Variants in COL12A1 observed in about 807,000 individuals in gnomAD.
COL12A1 encodes collagen alpha-1(XII) chain.
Under a neutral mutation model 349.7 loss-of-function variants are expected in COL12A1, and 114 were observed. The observed-to-expected ratio is 0.33, with a 90% CI of 0.28 to 0.38. COL12A1 has a LOEUF of 0.38. Ranked by LOEUF, COL12A1 falls within the 10% of genes least tolerant of loss-of-function variation. The pLI, the probability that COL12A1 is intolerant of heterozygous loss-of-function variation, is 1.00. For synonymous variants in COL12A1, 1,369 were observed against 1,329.0 expected (o/e 1.03, Z -0.66); for missense variants, 3,284 against 3,756.9 (o/e 0.87, Z 3.29).
chr6:75,106,420 C>A lies in COL12A1; in HGVS notation c.8177G>T (p.Arg2726Met). 1 of 1,613,118 alleles carries A rather than the reference C, an allele frequency of 6.2e-7. No individual in the cohort carries two copies. The highest frequency in any genetic ancestry group is 8.5e-7 in the Non-Finnish European group (1 of 1,179,208). Residue 2726 changes from arginine to methionine, a missense_variant and splice_region_variant, in exon 53 of 66, where the codon AGG becomes ATG. Arg to Met is a moderately conservative substitution (Grantham distance 91). Around this residue, in one of 2 missense-constraint regions of COL12A1, gnomAD observed 683 missense variants for 932.1 expected, o/e 0.73. Coordinates refer to ENST00000322507, the MANE Select transcript of COL12A1 (RefSeq NM_004370.6). ...AGAATTCAATTCTGTTTTACTTACC[C>A]TAGAGGGAATATCACAGCATCTGTC... The part of the protein sequence containing the change: ...SRDRCCDIPS[R>M]RDEGKCPAFP...
Position 75,115,845 on chromosome 6 carries a change from AC to A in COL12A1, c.7635del (p.Ser2546LeufsTer16). The A allele has an allele frequency of 6.2e-7, 1 of 1,613,622 alleles. No homozygotes were observed. Among genetic ancestry groups the A allele is most frequent in the Non-Finnish European group, 8.5e-7 (1 of 1,179,682 alleles). Reference protein sequence around the residue: ...ASVQGVSLESGSFPSYSAYRI... With the variant: ...ASVQGVSLESXSFPSYSAYRI... ...CTGTATGCTGAGTAGCTGGGGAAAG[AC>A]CCTGACTCCAAAGATACTCCTTGTA... On this transcript the variant is annotated frameshift_variant, in exon 49 of 66. Coordinates refer to ENST00000322507, the MANE Select transcript of COL12A1 (RefSeq NM_004370.6). LOFTEE classifies it high-confidence loss of function.
At position 75,202,751 on chromosome 6, in the gene COL12A1, C is replaced by G. The variant is rs758961396; in HGVS notation, c.42G>C (p.Ala14=). 5.8e-6 allele frequency: 9 copies of G among 1,551,920 alleles called. No individual in the cohort carries two copies. The highest frequency in any genetic ancestry group is 1.7e-4 in the Middle Eastern group (1 of 5,992). ...CCTCAATGGAAGACAGGAGCAGGGC[C>G]GCGCCCAGGGCGGCAAGCGCTGGGG... ...RLPPALAALG[A]ALLLSSIEAE... is the part of the protein sequence containing the mutation. The change falls in exon 2 of 66, where the codon GCG becomes GCC. Residue 14 remains alanine, a synonymous_variant. Transcript: ENST00000322507.
chr6:75,124,421 G>T, intron 40 of COL12A1, 50 bp from the exon 41 acceptor site: 1 of 1,373,054 alleles, frequency 7.3e-7, no homozygotes, highest in Non-Finnish European at 1.0e-6. Context: ...GAGGCAAAAA[G>T]TGTACTTTTA....
intron 2 of COL12A1, among the ~76,000 whole-genome samples, chr6:75,196,377 C>A (rs1770226113): frequency 6.6e-6 from 1 of 152,116 alleles, no homozygotes; most frequent in Non-Finnish European, 1.5e-5. Flanking sequence ...CAGAATTTAA[C>A]TGGGGTTAAA....
intron 3 of COL12A1, among the ~76,000 whole-genome samples, chr6:75,193,778 C>CA (rs1770078366): frequency 2.6e-5 from 4 of 151,410 alleles, no homozygotes; most frequent in African/African-American, 9.7e-5. Flanking sequence ...TTCCTGTGTC[C>CA]AAGTGTTCTC....
At position 75,145,432 on chromosome 6, in the gene COL12A1, A is replaced by G. The variant is rs544709914; in HGVS notation, c.4584T>C (p.Asn1528=). The part of the protein sequence containing the change: ...PKEVRLGPTV[N]DMQLTDLVPN... The stretch of plus-strand genomic sequence containing the variant: ...GAACAAGGTCAGTCAGCTGCATGTC[A>G]TTCACTGTTGGCCCCAAACGCACCT... Residue 1528 remains asparagine (N), a synonymous_variant, in exon 25 of 66, where the codon AAT becomes AAC. Transcript: ENST00000322507. The G allele has an allele frequency of 6.2e-7, 1 of 1,613,982 alleles. No individual in the cohort carries two copies. Among genetic ancestry groups the G allele is most frequent in the Admixed American group, 1.7e-5 (1 of 60,016 alleles).
At chr6:75,110,445 T>G (rs1345198995) in intron 51 of COL12A1, among the ~76,000 whole-genome samples, 3 of 152,064 alleles carry the variant, frequency 2.0e-5, no homozygotes, top group African/African-American at 7.2e-5. Flanking sequence ...AATGCATAGT[T>G]ACATTTCAGA....
At chr6:75,107,834 T>C (rs1768640976) in intron 52 of COL12A1, among the ~76,000 whole-genome samples, 1 of 152,200 alleles carries the variant, frequency 6.6e-6, no homozygotes, top group Non-Finnish European at 1.5e-5. Context: ...GATGTAATTG[T>C]TATACTTAAA....
At chr6:75,111,829 G>C (rs1323005519) in intron 51 of COL12A1, among the ~76,000 whole-genome samples, 1 of 146,952 alleles carries the variant, frequency 6.8e-6, no homozygotes, top group Middle Eastern at 3.6e-3. Flanking sequence ...TTTTTTTTTT[G>C]TTATCACTAA....
At chr6:75,180,878 A>G (rs1769233434) in intron 11 of COL12A1, 61 bp downstream of exon 11, 1 of 1,544,600 alleles carries the variant, frequency 6.5e-7, no homozygotes, top group Middle Eastern at 1.8e-4. Context: ...TACAAACTGT[A>G]ACTTTGTAGT....
chr6:75,103,842 CA>C, intron 54 of COL12A1, 32 bp from the exon 55 acceptor site: 2 of 1,547,852 alleles, frequency 1.3e-6, no homozygotes, highest in Non-Finnish European at 1.8e-6. Flanking sequence ...GTAGTGTGAA[CA>C]TAGGAAAATA....
Position 75,117,629 on chromosome 6 carries a change from G to T in COL12A1, c.7355-83C>A, listed in dbSNP as rs41266765. On this transcript the variant is annotated intron_variant, in intron 46 of 65. Transcript: ENST00000322507. ...GAACAATGCAAAAAAATTCTTATCA[G>T]AAATGATGCTGTATTTTCTTAATGT... The T allele has an allele frequency of 0.016, 22,761 of 1,449,432 alleles. 246 individuals carry two copies. Among genetic ancestry groups the T allele is most frequent in the Non-Finnish European group, 0.018 (19,708 of 1,067,296 alleles). The allele number at this position is 1,449,432 out of a possible 1,614,324, so 89.8% of individuals were successfully genotyped here. A position where few individuals can be genotyped will look rare whatever the true frequency, so the allele number is the denominator to read the frequency against.
At chr6:75,113,161 A>AT in intron 51 of COL12A1, 43 bp downstream of exon 51, 3 of 1,049,426 alleles carry the variant, frequency 2.9e-6, no homozygotes, top group East Asian at 2.9e-5. Context: ...TTTGTTTTAT[A>AT]TTTTTTTCTA....
At chr6:75,188,611 C>T in intron 7 of COL12A1, 76 bp from the exon 8 acceptor site, 2 of 1,480,036 alleles carry the variant, frequency 1.4e-6, no homozygotes, top group Non-Finnish European at 9.3e-7. Context: ...TCGTTTTCTC[C>T]ATCTTTCACA....
intron 36 of COL12A1, 58 bp downstream of exon 36, chr6:75,130,794 A>T (rs1766261827): frequency 6.2e-7 from 1 of 1,603,934 alleles, no homozygotes; most frequent in African/African-American, 1.3e-5. Context: ...ATTCAATCAG[A>T]GAAGCCCTGC....
At chr6:75,167,990 C>A (rs1768397937) in intron 13 of COL12A1, among the ~76,000 whole-genome samples, 1 of 152,108 alleles carries the variant, frequency 6.6e-6, no homozygotes, top group African/African-American at 2.4e-5. Context: ...TTCTCAATCT[C>A]AGAAAAAAAC....
Position 75,147,669 on chromosome 6 carries a change from A to G in COL12A1, c.4417+6T>C. 6.3e-7 allele frequency: 1 copy of G among 1,589,528 alleles called. No individual in the cohort carries two copies. The highest frequency in any genetic ancestry group is 1.4e-5 in the African/African-American group (1 of 73,480). On this transcript the variant is annotated splice_donor_region_variant and intron_variant, in intron 23 of 65. Coordinates refer to ENST00000322507, the MANE Select transcript of COL12A1 (RefSeq NM_004370.6). ...CAATGAGAAACAATTTTTTAATCTG[A>G]CTCACAGGTTTTTTCTGTCCCCTTC... is the stretch of plus-strand genomic sequence containing the variant.
At chr6:75,089,013 A>AG (rs1303257819) in intron 64 of COL12A1, 93 bp downstream of exon 64, 9 of 994,692 alleles carry the variant, frequency 9.0e-6, no homozygotes, top group African/African-American at 3.4e-5. Flanking sequence ...AAACAAAAAA[A>AG]AGAATAACAG....
At chr6:75,100,202 T>G (rs754821617) in intron 58 of COL12A1, among the ~76,000 whole-genome samples, 9 of 152,168 alleles carry the variant, frequency 5.9e-5, no homozygotes, top group Non-Finnish European at 1.2e-4. Context: ...AGTCCCTTAC[T>G]TTTCAGGGAT....
Sources: allele counts gnomAD v4.1 joint callset (sites outside exome capture counted in the v4.1 genomes callset), GRCh38; gene constraint gnomAD v4.1.1; regional missense constraint gnomAD v4.1.1; transcripts MANE v1.5; gene names NCBI Gene and HGNC (gene_info 2026-07-23, HGNC 2026-07-21).